Variants in KIF21A observed in about 807,000 individuals in gnomAD.
The protein encoded by KIF21A is kinesin family member 21A.
Under a neutral mutation model 202.9 loss-of-function variants are expected in KIF21A, and 114 were observed. The observed-to-expected ratio is 0.56, with a 90% CI of 0.48 to 0.66. The LOEUF (loss-of-function observed/expected upper bound fraction) is 0.66. Ranked by LOEUF, KIF21A falls within the 30% of genes least tolerant of loss-of-function variation. KIF21A has a pLI of 0.00. For synonymous variants in KIF21A, 667 were observed against 670.8 expected, an observed-to-expected ratio of 0.99 and a Z score of 0.09; for missense variants, 1,677 against 1,994.9, an observed-to-expected ratio of 0.84 and a Z score of 3.04.
At chr12:39,350,699 G>A (rs1327198061) in intron 11 of KIF21A, among the ~76,000 whole-genome samples, 1 of 151,956 alleles carries the variant, frequency 6.6e-6, no homozygotes, top group Non-Finnish European at 1.5e-5. Flanking sequence ...TATCTCAAGA[G>A]TGCAATTTCA....
At chr12:39,345,587 CATAGT>C (rs1262847042) in intron 12 of KIF21A, among the ~76,000 whole-genome samples, 1 of 151,618 alleles carries the variant, frequency 6.6e-6, no homozygotes, top group East Asian at 1.9e-4. Flanking sequence ...TAACTAATTG[CATAGT>C]ATAAGTTCTC....
chr12:39,313,315 T>G (rs1944212391), intron 31 of KIF21A, among the ~76,000 whole-genome samples: 1 of 151,832 alleles, frequency 6.6e-6, no homozygotes. Context: ...GAGGAATACA[T>G]TAAGCAAATC....
intron 16 of KIF21A, among the ~76,000 whole-genome samples, chr12:39,338,861 G>T (rs1947204933): frequency 6.6e-6 from 1 of 152,148 alleles, no homozygotes; most frequent in South Asian, 2.1e-4. Flanking sequence ...AAATGCTGTT[G>T]GAAAAATAGT....
At chr12:39,404,248 G>A (rs192101952) in intron 1 of KIF21A, among the ~76,000 whole-genome samples, 18 of 152,234 alleles carry the variant, frequency 1.2e-4, no homozygotes, top group South Asian at 1.0e-3. Flanking sequence ...AGAGGCATGC[G>A]TTGCCATGCC....
chr12:39,407,667 C>G (rs1290039190), intron 1 of KIF21A, among the ~76,000 whole-genome samples: 1 of 152,112 alleles, frequency 6.6e-6, no homozygotes, highest in Non-Finnish European at 1.5e-5. Context: ...CAAGATCATA[C>G]AGCTTGCTCA....
rs752626804 is a variant in KIF21A at position 39,340,251 on chromosome 12, G to C, written c.2224C>G (p.His742Asp). ...LQRLQAAQKEHARLLKNQSQY... is the reference protein window; with the variant it reads ...LQRLQAAQKEDARLLKNQSQY... Reference sequence around the variant, plus strand: ...GACTGATTTTTAAGCAACCTTGCATGTTCTTTTTGAGCTGCTTGAAGTCTC... The same window carrying C: ...GACTGATTTTTAAGCAACCTTGCATCTTCTTTTTGAGCTGCTTGAAGTCTC... Residue 742 changes from histidine to aspartate, a missense_variant, in exon 16 of 38, where the codon CAT (histidine) becomes GAT (aspartate). His to Asp is a moderately conservative substitution (Grantham distance 81). This residue lies in a region of KIF21A where 966 missense variants were observed against 1,180.9 expected (regional missense o/e 0.82). Transcript: ENST00000361418. 6.2e-7 allele frequency: 1 copy of C among 1,612,934 alleles called. No homozygotes were observed. The highest frequency in any genetic ancestry group is 1.3e-5 in the African/African-American group (1 of 74,844).
rs568489634 is a variant in KIF21A, at chr12:39,401,304, T to C, written c.45-31043A>G. On this transcript the variant is annotated intron_variant, in intron 1 of 37. Coordinates refer to ENST00000361418, the MANE Select transcript of KIF21A (RefSeq NM_001173464.2). ...TCAGTTTTCAAACGAGCTAAAAGAT[T>C]AGAGAAGGATACAGGAAAAAGAACT... Among the ~76,000 whole-genome samples, 8 of 152,110 alleles carry C rather than the reference T, an allele frequency of 5.3e-5. No individual in the cohort carries two copies. In the South Asian group the frequency reaches 1.5e-3, roughly 28 times the overall value.
intron 37 of KIF21A, among the ~76,000 whole-genome samples, chr12:39,296,071 CTT>C (rs34130884): frequency 3.9e-4 from 43 of 109,432 alleles, no homozygotes; most frequent in Admixed American, 8.6e-4. Flanking sequence ...TTGGGATACG[CTT>C]TTTTTTTTTT....
chr12:39,321,493 C>T (rs1190154801), intron 27 of KIF21A: 2 of 152,176 alleles, frequency 1.3e-5, no homozygotes, highest in African/African-American at 4.8e-5. Flanking sequence ...TTCTTCTATT[C>T]TCATCTTATC....
chr12:39,313,564 C>T (rs1219132875), intron 31 of KIF21A, among the ~76,000 whole-genome samples: 1 of 151,690 alleles, frequency 6.6e-6, no homozygotes, highest in Non-Finnish European at 1.5e-5. Flanking sequence ...AAGAGTCATA[C>T]CTAACGAGTC....
chr12:39,350,580 T>C (rs1417820691), intron 11 of KIF21A, among the ~76,000 whole-genome samples: 1 of 152,028 alleles, frequency 6.6e-6, no homozygotes, highest in African/African-American at 2.4e-5. Flanking sequence ...TCGATAATCC[T>C]ATGATCATTA....
At chr12:39,384,661 T>G (rs980996150) in intron 1 of KIF21A, among the ~76,000 whole-genome samples, 1 of 152,176 alleles carries the variant, frequency 6.6e-6, no homozygotes, top group Non-Finnish European at 1.5e-5. Context: ...TACTATAAAC[T>G]TGGAACCTTA....
chr12:39,354,661 G>C (rs1565925669), intron 10 of KIF21A, among the ~76,000 whole-genome samples: 1 of 152,088 alleles, frequency 6.6e-6, no homozygotes, highest in Non-Finnish European at 1.5e-5. Context: ...ACATAAATTT[G>C]CATTAAGTTT....
chr12:39,319,124 T>A (rs1944919732), intron 28 of KIF21A, among the ~76,000 whole-genome samples: 1 of 152,230 alleles, frequency 6.6e-6, no homozygotes. Context: ...CACTTCTTTT[T>A]AAATATATTC....
At chr12:39,401,590 C>A (rs1036018068) in intron 1 of KIF21A, among the ~76,000 whole-genome samples, 1 of 152,100 alleles carries the variant, frequency 6.6e-6, no homozygotes, top group Non-Finnish European at 1.5e-5. Context: ...CTTACTGAGG[C>A]AAAATCACAG....
intron 1 of KIF21A, among the ~76,000 whole-genome samples, chr12:39,372,665 A>G (rs1485372667): frequency 6.6e-6 from 1 of 152,346 alleles, no homozygotes; most frequent in East Asian, 1.9e-4. Context: ...TCTTGTAGCT[A>G]TGCACACAGA....
chr12:39,317,922 T>C, intron 29 of KIF21A, 151 bp downstream of exon 29: 1 of 781,194 alleles, frequency 1.3e-6, no homozygotes, highest in Non-Finnish European at 2.1e-6. Context: ...GCATGGTTCC[T>C]TTCCCATTGG....
At chr12:39,431,566 G>A (rs1937912491) in intron 1 of KIF21A, among the ~76,000 whole-genome samples, 1 of 152,156 alleles carries the variant, frequency 6.6e-6, no homozygotes, top group African/African-American at 2.4e-5. Flanking sequence ...GCTTTATTGA[G>A]GACTGACCCA....
At chr12:39,321,145 C>A (rs1264948621) in intron 27 of KIF21A, among the ~76,000 whole-genome samples, 6 of 152,008 alleles carry the variant, frequency 3.9e-5, no homozygotes, top group Non-Finnish European at 2.9e-5. Flanking sequence ...AGTAAAATTA[C>A]GCAGTAATGG....
Sources: allele counts gnomAD v4.1 joint callset (sites outside exome capture counted in the v4.1 genomes callset), GRCh38; gene constraint gnomAD v4.1.1; regional missense constraint gnomAD v4.1.1; transcripts MANE v1.5; gene names NCBI Gene and HGNC (gene_info 2026-07-23, HGNC 2026-07-21).